MTOR: variants seen among roughly 807,000 people sequenced by gnomAD.
The protein encoded by MTOR is serine/threonine-protein kinase mTOR.
In MTOR, 70 loss-of-function variants were observed where a neutral mutation model predicts 319.8. That is an observed-to-expected ratio of 0.22 (90% CI 0.18 to 0.27). The LOEUF is 0.27. Ranked by LOEUF, MTOR falls within the 10% of genes least tolerant of loss-of-function variation. The pLI, the probability that MTOR is intolerant of heterozygous loss-of-function variation, is 1.00. For missense variants in MTOR, 1,890 were observed against 3,274.4 expected (o/e 0.58, Z 10.32); for synonymous variants, 1,183 against 1,211.4 (o/e 0.98, Z 0.49).
At chr1:11,142,235 C>T (rs1213899900) in intron 34 of MTOR, among the ~76,000 whole-genome samples, 1 of 151,918 alleles carries the variant, frequency 6.6e-6, no homozygotes, top group Non-Finnish European at 1.5e-5. Flanking sequence ...TATCAGAAGG[C>T]CAGGCATGGT....
intron 31 of MTOR, among the ~76,000 whole-genome samples, chr1:11,147,310 G>A (rs1643964755): frequency 6.6e-6 from 1 of 152,116 alleles, no homozygotes; most frequent in South Asian, 2.1e-4. Flanking sequence ...TCAGGAGGGA[G>A]GAGATAAATA....
At chr1:11,258,743 C>T in intron 2 of MTOR, 150 bp from the exon 3 acceptor site, 1 of 602,028 alleles carries the variant, frequency 1.7e-6, no homozygotes, top group Non-Finnish European at 2.9e-6. Flanking sequence ...TATAGGATTA[C>T]ACTGTAGAGT....
rs757005886 is a variant in MTOR, at chr1:11,133,680, CT to C, written c.5247-484del. Among the ~76,000 whole-genome samples the C allele has an allele frequency of 2.6e-5, 4 of 152,166 alleles. No homozygotes were observed. Among genetic ancestry groups the C allele is most frequent in the Non-Finnish European group, 4.4e-5 (3 of 68,034 alleles). On this transcript the variant is annotated intron_variant, in intron 37 of 57. Coordinates refer to ENST00000361445, the MANE Select transcript of MTOR (RefSeq NM_004958.4). This position sits in a 1 kb window ranked among gnomAD's most constrained non-coding sequence, Gnocchi z 4.0. ...AATCCTCACACTACTTTATACCACC[CT>C]AGGAAATAGAAACTGTTACTATCCC...
At chr1:11,248,841 A>G (rs750062978) in intron 6 of MTOR, among the ~76,000 whole-genome samples, 1 of 152,100 alleles carries the variant, frequency 6.6e-6, no homozygotes, top group Non-Finnish European at 1.5e-5. Context: ...ACTTAACCAA[A>G]TAATTTTCTC....
At chr1:11,196,541 T>A (rs909633850) in intron 28 of MTOR, among the ~76,000 whole-genome samples, 4 of 152,094 alleles carry the variant, frequency 2.6e-5, no homozygotes, top group African/African-American at 9.7e-5. Flanking sequence ...CAGAACACAG[T>A]TTTTTAAAGC....
At chr1:11,176,193 G>A (rs188685960) in intron 28 of MTOR, among the ~76,000 whole-genome samples, 187 of 152,306 alleles carry the variant, frequency 1.2e-3, no homozygotes, top group Middle Eastern at 6.8e-3. Context: ...ATTGTCTCTG[G>A]AAGTGCCCTC....
Position 11,242,458 on chromosome 1 carries a change from C to T in MTOR, c.1412+656G>A, listed in dbSNP as rs115078170. The stretch of plus-strand genomic sequence containing the variant: ...GAGGTTGCAGTGACCCAAGACCGTG[C>T]CACTGCACTCCGGCCTGGGCAACCA... On this transcript the variant is annotated intron_variant, in intron 9 of 57. Transcript: ENST00000361445. Among the ~76,000 whole-genome samples, 1,108 of 145,222 alleles carry T rather than the reference C, an allele frequency of 7.6e-3. 18 individuals carry two copies. Among genetic ancestry groups the T allele is most frequent in the African/African-American group, 0.026 (1,032 of 39,504 alleles).
chr1:11,235,750 G>C (rs561374048), intron 13 of MTOR, among the ~76,000 whole-genome samples: 2 of 152,116 alleles, frequency 1.3e-5, no homozygotes, highest in Non-Finnish European at 2.9e-5. Context: ...TTGGGAGGCC[G>C]AAGCGGGCAG....
chr1:11,260,305 G>T, intron 1 of MTOR, among the ~76,000 whole-genome samples: 1 of 152,176 alleles, frequency 6.6e-6, no homozygotes, highest in East Asian at 1.9e-4. Context: ...CACTTTGGGA[G>T]CCCAAGGTGG....
At chr1:11,234,312 TAG>T (rs1647122177) in intron 13 of MTOR, 47 bp from the exon 14 acceptor site, 3 of 1,557,902 alleles carry the variant, frequency 1.9e-6, no homozygotes, top group East Asian at 2.2e-5. Flanking sequence ...GAAGACATTC[TAG>T]AGAGAGACTG....
Position 11,199,447 on chromosome 1 carries a change from G to C in MTOR, c.4108-44C>G. 1 of 1,614,024 alleles carries C rather than the reference G, an allele frequency of 6.2e-7. No homozygotes were observed. Among genetic ancestry groups the C allele is most frequent in the Non-Finnish European group, 8.5e-7 (1 of 1,179,944 alleles). On this transcript the variant is annotated intron_variant, in intron 27 of 57. Coordinates refer to ENST00000361445, the MANE Select transcript of MTOR (RefSeq NM_004958.4). The surrounding 1 kb of genome is among the most constrained non-coding windows in gnomAD (Gnocchi z 4.5). ...TCACAGCACAGGAAAATGGCAGATG[G>C]GGCACAAACAAGAGAAGGCTGTGTG...
At chr1:11,122,175 C>G (rs1446509554) in intron 47 of MTOR, 49 bp from the exon 48 acceptor site, 1 of 1,603,762 alleles carries the variant, frequency 6.2e-7, no homozygotes, top group East Asian at 2.2e-5. Flanking sequence ...GAGAGTATAC[C>G]CTTGAGCAGC....
At position 11,199,041 on chromosome 1, in the gene MTOR, A is replaced by T. The variant is rs939729167; in HGVS notation, c.4253+217T>A. On this transcript the variant is annotated intron_variant, in intron 28 of 57. Coordinates refer to ENST00000361445, the MANE Select transcript of MTOR (RefSeq NM_004958.4). The surrounding 1 kb of genome is among the most constrained non-coding windows in gnomAD (Gnocchi z 4.5). ...AAAGGACAGGTTGGAAAACAACAGG[A>T]GCCCAGGTGATAAGGGTCAACAGAA... 7.2e-5 allele frequency among the ~76,000 whole-genome samples: 11 copies of T among 152,238 alleles called. No homozygotes were observed. The highest frequency in any genetic ancestry group is 1.6e-4 in the Non-Finnish European group (11 of 68,036).
chr1:11,240,571 A>AT (rs1557470948), intron 10 of MTOR, 24 bp from the exon 11 acceptor site: 1 of 1,609,476 alleles, frequency 6.2e-7, no homozygotes, highest in East Asian at 2.2e-5. Flanking sequence ...AACAAGTCAC[A>AT]TAAGGGCTGG....
At chr1:11,221,749 T>G (rs549073420) in intron 19 of MTOR, among the ~76,000 whole-genome samples, 1 of 148,534 alleles carries the variant, frequency 6.7e-6, no homozygotes, top group African/African-American at 2.5e-5. Flanking sequence ...TCTATATATA[T>G]AGAAATACTC....
intron 53 of MTOR, among the ~76,000 whole-genome samples, chr1:11,113,277 TAA>T (rs896334085): frequency 1.6e-4 from 24 of 152,368 alleles, no homozygotes; most frequent in African/African-American, 5.8e-4. Flanking sequence ...CGTTTCTTAT[TAA>T]AATTTCAGCT....
intron 3 of MTOR, among the ~76,000 whole-genome samples, chr1:11,257,550 G>A (rs1260677477): frequency 5.3e-5 from 7 of 130,894 alleles, no homozygotes; most frequent in Non-Finnish European, 1.1e-4. Flanking sequence ...GCGACAGAGT[G>A]AGACTCTGTC....
intron 28 of MTOR, among the ~76,000 whole-genome samples, chr1:11,174,477 T>A (rs76170597): frequency 0.03 from 4,534 of 152,290 alleles, 174 homozygotes; most frequent in Admixed American, 0.071. Flanking sequence ...CAAGTCAGCA[T>A]GCCATCACAG....
intron 30 of MTOR, among the ~76,000 whole-genome samples, chr1:11,151,458 T>C (rs1233060316): frequency 6.6e-6 from 1 of 152,066 alleles, no homozygotes; most frequent in African/African-American, 2.4e-5. Context: ...AAATCTTCAC[T>C]CCTGGGCCCT....
Sources: allele counts gnomAD v4.1 joint callset (sites outside exome capture counted in the v4.1 genomes callset), GRCh38; gene constraint gnomAD v4.1.1; non-coding constraint Gnocchi (gnomAD v3.1); transcripts MANE v1.5; gene names NCBI Gene and HGNC (gene_info 2026-07-23, HGNC 2026-07-21).